Variants in ABLIM2 observed in about 807,000 individuals in gnomAD.
The protein encoded by ABLIM2 is actin binding LIM protein family member 2.
Under a neutral mutation model 97.7 loss-of-function variants are expected in ABLIM2, and 53 were observed. The observed-to-expected ratio is 0.54, with a 90% CI of 0.44 to 0.68. ABLIM2 has a LOEUF of 0.68. ABLIM2 is among the 30% of genes least tolerant of loss of function. The pLI is 0.00. For missense variants in ABLIM2, 835 were observed against 867.2 expected (o/e 0.96, Z 0.47); for synonymous variants, 361 against 345.8 (o/e 1.04, Z -0.49).
intron 8 of ABLIM2, among the ~76,000 whole-genome samples, chr4:8,051,751 C>A (rs74999619): frequency 2.0e-5 from 3 of 152,066 alleles, no homozygotes; most frequent in Non-Finnish European, 4.4e-5. Context: ...CTTGCCCTTG[C>A]CCCACATGTC....
chr4:8,032,712 T>A lies in ABLIM2; in HGVS notation c.1048-2936A>T, dbSNP rs761895828. On this transcript the variant is annotated intron_variant, in intron 10 of 20. Coordinates refer to ENST00000447017, the MANE Select transcript of ABLIM2 (RefSeq NM_001130083.2). The surrounding 1 kb of genome is among the most constrained non-coding windows in gnomAD (Gnocchi z 4.3). Reference sequence around the variant, plus strand: ...ACACAACACACAAAGTGGCCATTAGTGCTGGCGCCAGGCAGAGAGGGAGGA... The same window carrying A: ...ACACAACACACAAAGTGGCCATTAGAGCTGGCGCCAGGCAGAGAGGGAGGA... 1 of 1,611,920 alleles carries A rather than the reference T, an allele frequency of 6.2e-7. No homozygotes were observed. The highest frequency in any genetic ancestry group is 1.3e-5 in the African/African-American group (1 of 74,724).
At position 8,046,543 on chromosome 4, in the gene ABLIM2, C is replaced by T. The variant is rs1792570156; in HGVS notation, c.823-1302G>A. Among the ~76,000 whole-genome samples, 1 of 152,146 alleles carries T rather than the reference C, an allele frequency of 6.6e-6. No individual in the cohort carries two copies. The highest frequency in any genetic ancestry group is 2.4e-5 in the African/African-American group (1 of 41,426). ...CCTCTGCTGCTTCGATGGTTTCCCA[C>T]CCCGACCACAGCCCCCACTGCAGCT... On this transcript the variant is annotated intron_variant, in intron 8 of 20. Transcript: ENST00000447017. The surrounding 1 kb of genome is among the most constrained non-coding windows in gnomAD (Gnocchi z 4.4).
In ABLIM2 at chr4:8,068,710, C is replaced by T. The variant is rs551760964; in HGVS notation, c.676-7656G>A. ...TTGCTTCTTCCCCGCTGCGGGCTCC[C>T]GCTCAGCCGAGGGCCAGGGCTGGGC... On this transcript the variant is annotated intron_variant, in intron 6 of 20. Transcript: ENST00000447017. The surrounding 1 kb of genome is among the most constrained non-coding windows in gnomAD (Gnocchi z 4.5). 1.4e-4 allele frequency among the ~76,000 whole-genome samples: 21 copies of T among 152,324 alleles called. No individual in the cohort carries two copies. The South Asian group carries it at 1.9e-3, about 14-fold the overall frequency.
chr4:7,984,066 T>C (rs935517510), intron 18 of ABLIM2, among the ~76,000 whole-genome samples: 2 of 152,238 alleles, frequency 1.3e-5, no homozygotes, highest in Non-Finnish European at 2.9e-5. Context: ...AAGCGTCTTA[T>C]CACGAAAATG....
At chr4:8,056,625 A>G (rs1347676949) in intron 7 of ABLIM2, among the ~76,000 whole-genome samples, 1 of 151,496 alleles carries the variant, frequency 6.6e-6, no homozygotes, top group Non-Finnish European at 1.5e-5. Context: ...CATATCCTAC[A>G]TATTTGCTTA....
At chr4:8,096,956 A>T (rs1168194113) in intron 3 of ABLIM2, 143 bp downstream of exon 3, 1 of 1,082,002 alleles carries the variant, frequency 9.2e-7, no homozygotes, top group Non-Finnish European at 1.3e-6. Context: ...AAGGGTGCAG[A>T]CTGTGGGGCC....
rs1159212943 is a variant in ABLIM2, at chr4:8,122,235, C to G, written c.11-15598G>C. 6.6e-6 allele frequency among the ~76,000 whole-genome samples: 1 copy of G among 152,180 alleles called. No individual in the cohort carries two copies. Among genetic ancestry groups the G allele is most frequent in the Non-Finnish European group, 1.5e-5 (1 of 68,026 alleles). ...GAGTCTCGCTGCCCCCTGTGCATCT[C>G]CATCATATCCGAATGGCCTGGTAAG... On this transcript the variant is annotated intron_variant, in intron 1 of 20. Transcript: ENST00000447017. This position sits in a 1 kb window ranked among gnomAD's most constrained non-coding sequence, Gnocchi z 4.1.
At chr4:8,062,542 C>T (rs1205972457) in intron 6 of ABLIM2, among the ~76,000 whole-genome samples, 1 of 151,946 alleles carries the variant, frequency 6.6e-6, no homozygotes, top group Non-Finnish European at 1.5e-5. Flanking sequence ...CAGGTTCACA[C>T]CATTCTCCTG....
At chr4:7,995,146 G>C (rs1752353457) in intron 16 of ABLIM2, among the ~76,000 whole-genome samples, 1 of 56,308 alleles carries the variant, frequency 1.8e-5, no homozygotes, top group African/African-American at 4.0e-5. Flanking sequence ...ACACCAGTTA[G>C]AATGGCAATC....
At position 8,072,075 on chromosome 4, in the gene ABLIM2, G is replaced by A. The variant is rs1039312098; in HGVS notation, c.675+5553C>T. The A allele has an allele frequency of 1.2e-5, 12 of 985,224 alleles. No homozygotes were observed. The highest frequency in any genetic ancestry group is 6.1e-5 in the Admixed American group (1 of 16,264). The allele number at this position is 985,224 out of a possible 1,614,324, so 61.0% of individuals were successfully genotyped here. A position where few individuals can be genotyped will look rare whatever the true frequency, so the allele number is the denominator to read the frequency against. On this transcript the variant is annotated intron_variant, in intron 6 of 20. Transcript: ENST00000447017. This position sits in a 1 kb window ranked among gnomAD's most constrained non-coding sequence, Gnocchi z 5.8. The stretch of plus-strand genomic sequence containing the variant: ...GTGCAGAGCCCGCCGACTCAGCCAC[G>A]CCGCCACAGACTCGCCTCCCCGGCA...
intron 11 of ABLIM2, 27 bp downstream of exon 11, chr4:8,029,629 G>T: frequency 6.7e-7 from 1 of 1,486,572 alleles, no homozygotes; most frequent in Non-Finnish European, 9.0e-7. Context: ...CATCCTGGGG[G>T]CTCAGAGGAA....
rs1771901765 is a variant in ABLIM2, at chr4:8,019,394, A to G, written c.1423+224T>C. On this transcript the variant is annotated intron_variant, in intron 14 of 20. Transcript: ENST00000447017. The surrounding 1 kb of genome is among the most constrained non-coding windows in gnomAD (Gnocchi z 4.3). ...GATGTGCATTAGCCTCGGCGTCGTA[A>G]CGCACAGAAGTTCCTTACTCAGACA... Among the ~76,000 whole-genome samples the G allele has an allele frequency of 6.6e-6, 1 of 152,144 alleles. No homozygotes were observed.
intron 1 of ABLIM2, among the ~76,000 whole-genome samples, chr4:8,137,710 G>A (rs1303486613): frequency 6.6e-6 from 1 of 152,224 alleles, no homozygotes; most frequent in African/African-American, 2.4e-5. Context: ...CCCTCAAAAT[G>A]CCCCCACCAA....
rs1743756061 is a variant in ABLIM2, at chr4:7,986,081, C to T, written c.1681-1188G>A. Among the ~76,000 whole-genome samples the T allele has an allele frequency of 6.6e-6, 1 of 152,204 alleles. No homozygotes were observed. The highest frequency in any genetic ancestry group is 2.1e-4 in the South Asian group (1 of 4,834). ...AAAATGTCTTATTCACGCTTCGTTC[C>T]CCAGCACCTGGAACGGGGTCTCAAA... On this transcript the variant is annotated intron_variant, in intron 17 of 20. Transcript: ENST00000447017. The surrounding 1 kb of genome is among the most constrained non-coding windows in gnomAD (Gnocchi z 4.3).
rs575351849 is a variant in ABLIM2 at position 8,128,197 on chromosome 4, C to T, written c.11-21560G>A. ...AGGCCGTCTTCCCTGTGTGTCTCTG[C>T]GTGTCCTTTTTAGTCTCTTATGAGG... On this transcript the variant is annotated intron_variant, in intron 1 of 20. Coordinates refer to ENST00000447017, the MANE Select transcript of ABLIM2 (RefSeq NM_001130083.2). This position sits in a 1 kb window ranked among gnomAD's most constrained non-coding sequence, Gnocchi z 4.9. 2.8e-4 allele frequency among the ~76,000 whole-genome samples: 43 copies of T among 152,312 alleles called. No homozygotes were observed. Among genetic ancestry groups the T allele is most frequent in the African/African-American group, 8.9e-4 (37 of 41,576 alleles).
At chr4:8,086,885 A>G (rs1218497375) in intron 4 of ABLIM2, among the ~76,000 whole-genome samples, 1 of 151,242 alleles carries the variant, frequency 6.6e-6, no homozygotes, top group Non-Finnish European at 1.5e-5. Flanking sequence ...TTTTGAATGG[A>G]GGACTCTCCT....
chr4:8,063,842 C>A (rs1580259264), intron 6 of ABLIM2, among the ~76,000 whole-genome samples: 1 of 152,236 alleles, frequency 6.6e-6, no homozygotes, highest in Non-Finnish European at 1.5e-5. Flanking sequence ...CTTTGCTGTG[C>A]CCCAACTTGT....
intron 8 of ABLIM2, among the ~76,000 whole-genome samples, chr4:8,050,589 T>G (rs1338344862): frequency 1.3e-5 from 2 of 152,172 alleles, no homozygotes; most frequent in Non-Finnish European, 2.9e-5. Context: ...GGTGTCGGGT[T>G]TCCAAAAACA....
chr4:8,019,835 C>T lies in ABLIM2; in HGVS notation c.1370-164G>A, dbSNP rs1772249802. Among the ~76,000 whole-genome samples, 1 of 152,166 alleles carries T rather than the reference C, an allele frequency of 6.6e-6. No individual in the cohort carries two copies. The highest frequency in any genetic ancestry group is 6.5e-5 in the Admixed American group (1 of 15,290). ...AGCGACAGACACCCAGGCCCCAGAT[C>T]AAGCCTCCCTGACTCCAGATGCCAC... On this transcript the variant is annotated intron_variant, in intron 13 of 20. Transcript: ENST00000447017. This position sits in a 1 kb window ranked among gnomAD's most constrained non-coding sequence, Gnocchi z 4.3.
Sources: gnomAD v4.1 joint callset for allele counts (sites outside exome capture counted in the v4.1 genomes callset) on GRCh38, gnomAD v4.1.1 for gene constraint, Gnocchi (gnomAD v3.1) non-coding constraint, MANE v1.5 for transcripts, NCBI Gene and HGNC (gene_info 2026-07-23, HGNC 2026-07-21) for gene names.